Variants in PLEC observed in about 807,000 individuals in gnomAD.
PLEC encodes hemidesmosomal protein 1.
Under a neutral mutation model 392.8 loss-of-function variants are expected in PLEC, and 216 were observed. That is an observed-to-expected ratio of 0.55 (90% confidence interval 0.49 to 0.62). The LOEUF (loss-of-function observed/expected upper bound fraction) is 0.62, where lower values mean the gene tolerates loss of function less well. Ranked by LOEUF, PLEC falls within the 20% of genes least tolerant of loss-of-function variation. PLEC has a pLI of 0.00. For synonymous variants in PLEC, 3,621 were observed against 2,980.6 expected, an observed-to-expected ratio of 1.21 and a Z score of -7.00; for missense variants, 6,863 against 6,563.4, an observed-to-expected ratio of 1.05 and a Z score of -1.58.
rs1554698095 is a variant in PLEC, at chr8:143,924,564, G to C, written c.5365C>G (p.Leu1789Val). The change falls in exon 31 of 32, where the codon CTG (leucine) becomes GTG (valine). Residue 1789 changes from leucine (L) to valine (V), a missense_variant. Transcript: ENST00000345136. The part of the protein sequence containing the change: ...RSTSEKSKQR[L>V]EAEAGRFREL... ...CGGAACCGGCCGGCCTCGGCCTCCA[G>C]CCTCTGCTTGGACTTCTCGCTGGTG... 2 of 1,548,330 alleles carry C rather than the reference G, an allele frequency of 1.3e-6. No homozygotes were observed. The highest frequency in any genetic ancestry group is 1.4e-5 in the African/African-American group (1 of 73,176).
intron 31 of PLEC, 52 bp downstream of exon 31, chr8:143,922,452 C>T (rs1586861588): frequency 1.2e-6 from 2 of 1,601,188 alleles, no homozygotes; most frequent in East Asian, 4.5e-5. Context: ...CCATCACCCA[C>T]CAAAGCAGAT....
intron 18 of PLEC, 47 bp from the exon 19 acceptor site, chr8:143,931,706 C>A: frequency 6.3e-7 from 1 of 1,577,408 alleles, no homozygotes; most frequent in South Asian, 1.2e-5. Flanking sequence ...GGACCAGAGC[C>A]CCAGCCCACA....
rs782122083 is a variant in PLEC at position 143,921,980 on chromosome 8, T to C, written c.7841A>G (p.Glu2614Gly). The C allele has an allele frequency of 1.9e-6, 3 of 1,598,716 alleles. No homozygotes were observed. The Admixed American group carries it at 5.0e-5, about 27-fold the overall frequency. Residue 2614 changes from glutamate to glycine, a missense_variant, in exon 32 of 32, where the codon GAG (glutamate) becomes GGG (glycine). Physicochemically the swap from Glu to Gly is moderately conservative, Grantham distance 98. Transcript: ENST00000345136. ...QHRAALAHSE[E>G]VTASQVAATK... ...GGCAGCCACCTGCGAGGCAGTGACC[T>C]CCTCTGAGTGCGCCAGCGCGGCCCG...
Position 143,918,957 on chromosome 8 carries a change from T to C in PLEC, c.10864A>G (p.Ile3622Val), listed in dbSNP as rs1554676736. The part of the protein sequence containing the change: ...RVTKERMIII[I>V]IEIIEKTEII... ...TCTGTCTTCTCAATGATCTCGATGA[T>C]GATGATGATCATGCGTTCCTTGGTC... The change falls in exon 32 of 32, where the codon ATC becomes GTC. Residue 3622 changes from isoleucine to valine, a missense_variant. Coordinates refer to ENST00000345136, the MANE Select transcript of PLEC (RefSeq NM_201384.3). The C allele has an allele frequency of 1.2e-6, 2 of 1,610,822 alleles. No individual in the cohort carries two copies. The highest frequency in any genetic ancestry group is 1.7e-5 in the Admixed American group (1 of 60,016).
At chr8:143,973,662 G>T, upstream of PLEC, 1 of 416,414 alleles carries the variant, frequency 2.4e-6, no homozygotes, top group Non-Finnish European at 3.2e-6. This position sits in a 1 kb window ranked among gnomAD's most constrained non-coding sequence, Gnocchi z 5.6. Flanking sequence ...CCGCGTCTGG[G>T]CCCCTCCCGG....
At chr8:143,950,612 C>T (rs1471793103) in exon 1 of PLEC, 20 of 1,604,466 alleles carry the variant, frequency 1.2e-5, no homozygotes, top group Admixed American at 3.4e-5. Flanking sequence ...GCTGCGGGGC[C>T]GCCGGTCCTT....
Position 143,933,103 on chromosome 8 carries a change from C to A in PLEC, c.1427G>T (p.Arg476Leu). The change falls in exon 14 of 32, where the codon CGT becomes CTT. Residue 476 changes from arginine to leucine, a missense_variant. Transcript: ENST00000345136. ...QGEQMYRRVY[R>L]LHERLVAIRT... ...GATGGCTACCAGGCGCTCGTGCAGACGGTACACCCTGGGGCAGCAGAGGAC... is the reference window on the plus strand; with the variant it reads ...GATGGCTACCAGGCGCTCGTGCAGAAGGTACACCCTGGGGCAGCAGAGGAC... The A allele has an allele frequency of 1.3e-6, 2 of 1,591,802 alleles. No individual in the cohort carries two copies. The highest frequency in any genetic ancestry group is 8.5e-7 in the Non-Finnish European group (1 of 1,171,740).
intron 30 of PLEC, among the ~76,000 whole-genome samples, 162 bp downstream of exon 30, chr8:143,926,622 C>T (rs1311332423): frequency 6.6e-6 from 1 of 152,124 alleles, no homozygotes; most frequent in African/African-American, 2.4e-5. Flanking sequence ...GGTGGGGCAG[C>T]CTGGGGCAGG....
At chr8:143,952,048 C>CGGTGGGGGGGAGTGGGAG (rs1564212962), upstream of PLEC, among the ~76,000 whole-genome samples, 1 of 152,158 alleles carries the variant, frequency 6.6e-6, no homozygotes, top group Non-Finnish European at 1.5e-5. Flanking sequence ...ATAAATAGGG[C>CGGTGGGGGGGAGTGGGAG]GGTGGGGGGG....
chr8:143,920,426 C>G lies in PLEC; in HGVS notation c.9395G>C (p.Arg3132Pro). The G allele has an allele frequency of 1.9e-6, 3 of 1,596,622 alleles. No individual in the cohort carries two copies. The highest frequency in any genetic ancestry group is 2.6e-6 in the Non-Finnish European group (3 of 1,174,120). The change falls in exon 32 of 32, where the codon CGC (arginine) becomes CCC (proline). Residue 3132 changes from arginine to proline, a missense_variant. By Grantham distance (103) the Arg-to-Pro change is moderately radical. Coordinates refer to ENST00000345136, the MANE Select transcript of PLEC (RefSeq NM_201384.3). ...KGLIPREQGL[R>P]LLDAQLSTGG... ...CGTGGACAGCTGGGCGTCCAACAGGCGCAGGCCCTGCTCCCGGGGAATGAG... is the reference window on the plus strand; with the variant it reads ...CGTGGACAGCTGGGCGTCCAACAGGGGCAGGCCCTGCTCCCGGGGAATGAG...
chr8:143,935,245 G>A lies in PLEC; in HGVS notation c.671C>T (p.Ser224Phe), dbSNP rs782216765. 7 of 1,612,270 alleles carry A rather than the reference G, an allele frequency of 4.3e-6. No homozygotes were observed. Among genetic ancestry groups the A allele is most frequent in the East Asian group, 2.2e-5 (1 of 44,888 alleles). Reference protein sequence around the residue: ...TNLENLDQAFSVAERDLGVTR... With the variant: ...TNLENLDQAFFVAERDLGVTR... ...CACTCCCAGGTCCCGCTCCGCCACAGAGAAGGCCTGGTCCAGGTTCTCCAG... is the reference window on the plus strand; with the variant it reads ...CACTCCCAGGTCCCGCTCCGCCACAAAGAAGGCCTGGTCCAGGTTCTCCAG... The change falls in exon 7 of 32, where the codon TCT (serine) becomes TTT (phenylalanine). Residue 224 changes from serine (S) to phenylalanine (F), a missense_variant. Coordinates refer to ENST00000345136, the MANE Select transcript of PLEC (RefSeq NM_201384.3).
chr8:143,936,660 G>A (rs150568482), intron 5 of PLEC, among the ~76,000 whole-genome samples: 2 of 152,344 alleles, frequency 1.3e-5, no homozygotes, highest in Non-Finnish European at 2.9e-5. Flanking sequence ...CAGCGGGTGA[G>A]TCAGCCTGTG....
At chr8:143,950,034 C>A in intron 1 of PLEC, 1 of 1,065,186 alleles carries the variant, frequency 9.4e-7, no homozygotes, top group Non-Finnish European at 1.3e-6. Context: ...CCCCCTGACC[C>A]TCGGCTAGGG....
At position 143,925,760 on chromosome 8, in the gene PLEC, G is replaced by A. The variant is rs781873089; in HGVS notation, c.4169C>T (p.Ala1390Val). The A allele has an allele frequency of 4.4e-6, 7 of 1,592,156 alleles. No individual in the cohort carries two copies. Among genetic ancestry groups the A allele is most frequent in the Admixed American group, 1.7e-5 (1 of 59,488 alleles). Residue 1390 changes from alanine to valine, a missense_variant, in exon 31 of 32, where the codon GCG becomes GTG. By Grantham distance (64) the Ala-to-Val change is moderately conservative. Coordinates refer to ENST00000345136, the MANE Select transcript of PLEC (RefSeq NM_201384.3). Reference protein sequence around the residue: ...AQAKAQAEREAKELQQRMQEE... With the variant: ...AQAKAQAEREVKELQQRMQEE... The stretch of plus-strand genomic sequence containing the variant: ...CTGCATGCGCTGCTGCAGCTCCTTC[G>A]CCTCCCGCTCCGCCTGTGCCTTTGC...
chr8:143,950,898 C>T, upstream of PLEC: 3 of 1,227,224 alleles, frequency 2.4e-6, no homozygotes, highest in Non-Finnish European at 2.2e-6. Context: ...GCTCGTGGCG[C>T]CTGGCTCCGT....
rs368889216 is a variant in PLEC at position 143,917,224 on chromosome 8, G to A, written c.12597C>T (p.Ser4199=). ...VVKSMIIDRR[S]GRQYDIDDAI... ...CATCATCGATGTCGTACTGGCGCCC[G>A]GAGCGGCGGTCGATGATCATGGACT... The change falls in exon 32 of 32, where the codon TCC becomes TCT. Residue 4199 remains serine (S), a synonymous_variant. Transcript: ENST00000345136. 3.9e-5 allele frequency: 63 copies of A among 1,612,930 alleles called. No individual in the cohort carries two copies. Among genetic ancestry groups the A allele is most frequent in the Admixed American group, 3.2e-4 (19 of 60,020 alleles).
rs2132627081 is a variant in PLEC, at chr8:143,946,494, T to C, written c.523+3690A>G. ...GCAGAGGGAGGGCCCACTCATGCCC[T>C]GGTAGCAGCGGCTCCTCCTCGCAGC... On this transcript the variant is annotated intron_variant, in intron 1 of 31. Coordinates refer to the PLEC transcript ENST00000322810. 6.9e-6 allele frequency: 6 copies of C among 864,838 alleles called. 1 individual carries two copies. In the South Asian group the frequency reaches 8.9e-5, roughly 13 times the overall value. The allele number at this position is 864,838 out of a possible 1,614,324, so 53.6% of individuals were successfully genotyped here.
chr8:143,949,919 G>A (rs782304971), intron 1 of PLEC, among the ~76,000 whole-genome samples: 71 of 152,156 alleles, frequency 4.7e-4, no homozygotes, highest in Non-Finnish European at 8.2e-4. Flanking sequence ...AGAGAGGGGA[G>A]GGGGCGCCCC....
At chr8:143,952,065 A>T (rs1431980690), upstream of PLEC, among the ~76,000 whole-genome samples, 1 of 151,930 alleles carries the variant, frequency 6.6e-6, no homozygotes, top group East Asian at 1.9e-4. Context: ...GGGGAGTGGG[A>T]GAGAGGGGGG....
Sources: allele counts gnomAD v4.1 joint callset (sites outside exome capture counted in the v4.1 genomes callset), GRCh38; gene constraint gnomAD v4.1.1; non-coding constraint Gnocchi (gnomAD v3.1); transcripts MANE v1.5; gene names NCBI Gene and HGNC (gene_info 2026-07-23, HGNC 2026-07-21).